Variants in DSCAM observed in about 807,000 individuals in gnomAD.
DSCAM encodes the protein cell adhesion molecule DSCAM.
Under a neutral mutation model 217.7 loss-of-function variants are expected in DSCAM, and 47 were observed. The observed-to-expected ratio is 0.22, with a 90% CI of 0.17 to 0.28. DSCAM has a LOEUF of 0.28. Ranked by LOEUF, DSCAM falls within the 10% of genes least tolerant of loss-of-function variation. The pLI is 1.00. For synonymous variants in DSCAM, 1,056 were observed against 1,015.3 expected (o/e 1.04, Z -0.76); for missense variants, 2,080 against 2,618.3 (o/e 0.79, Z 4.49).
chr21:40,441,611 A>G (rs1239689626), intron 3 of DSCAM, among the ~76,000 whole-genome samples: 1 of 152,212 alleles, frequency 6.6e-6, no homozygotes, highest in Non-Finnish European at 1.5e-5. Context: ...TGCCAAAATC[A>G]TCAATGAACT....
intron 18 of DSCAM, among the ~76,000 whole-genome samples, chr21:40,139,387 A>T (rs546449150): frequency 3.5e-4 from 53 of 152,158 alleles, no homozygotes; most frequent in African/African-American, 1.3e-3. Context: ...TCTGGAAGGC[A>T]GGACAACCTG....
rs79122732 is a variant in DSCAM, at chr21:40,817,068, T to C, written c.43+29551A>G. ...ATAATGGGTTATTCTTATTTAAAGA[T>C]ATGCAGTAAATTAGATTCTTTTTTT... On this transcript the variant is annotated intron_variant, in intron 1 of 32. Coordinates refer to ENST00000400454, the MANE Select transcript of DSCAM (RefSeq NM_001389.5). Among the ~76,000 whole-genome samples, 29 of 148,578 alleles carry C rather than the reference T, an allele frequency of 2.0e-4. No homozygotes were observed. In the East Asian group the frequency reaches 5.9e-3, roughly 30 times the overall value.
intron 3 of DSCAM, among the ~76,000 whole-genome samples, chr21:40,525,040 C>T (rs1192510706): frequency 7.9e-6 from 1 of 126,290 alleles, no homozygotes. Flanking sequence ...AATCCATTCA[C>T]AGAAGACTGT....
chr21:40,524,621 G>C (rs1401475630), intron 3 of DSCAM, among the ~76,000 whole-genome samples: 1 of 151,910 alleles, frequency 6.6e-6, no homozygotes, highest in Non-Finnish European at 1.5e-5. Context: ...TTTTTTGCTT[G>C]AGTTTTCTGG....
intron 16 of DSCAM, among the ~76,000 whole-genome samples, chr21:40,147,856 G>C (rs966033093): frequency 6.6e-6 from 1 of 151,746 alleles, no homozygotes; most frequent in African/African-American, 2.4e-5. Flanking sequence ...TAATTGTTGG[G>C]GATATTATTG....
At chr21:40,294,985 C>G (rs989594228) in intron 10 of DSCAM, among the ~76,000 whole-genome samples, 3 of 152,142 alleles carry the variant, frequency 2.0e-5, no homozygotes, top group Admixed American at 6.5e-5. Flanking sequence ...CTTTACCTTC[C>G]TTCTCAAAAG....
chr21:40,675,697 G>C (rs1418683970), intron 3 of DSCAM, among the ~76,000 whole-genome samples: 2 of 152,096 alleles, frequency 1.3e-5, no homozygotes, highest in Non-Finnish European at 2.9e-5. Context: ...CATAAAACTG[G>C]ATTTTTACAT....
At chr21:40,296,976 A>G (rs2073961996) in intron 9 of DSCAM, among the ~76,000 whole-genome samples, 1 of 152,180 alleles carries the variant, frequency 6.6e-6, no homozygotes, top group Non-Finnish European at 1.5e-5. Context: ...TAAAGTGAGA[A>G]ATAACAGGCA....
intron 3 of DSCAM, among the ~76,000 whole-genome samples, chr21:40,598,992 T>A (rs771067524): frequency 6.6e-5 from 10 of 152,218 alleles, no homozygotes; most frequent in Non-Finnish European, 1.5e-4. Context: ...TCCACTTCTG[T>A]GTCTTCTTAG....
intron 3 of DSCAM, among the ~76,000 whole-genome samples, chr21:40,372,711 T>A (rs2074910914): frequency 6.6e-6 from 1 of 152,240 alleles, no homozygotes; most frequent in Non-Finnish European, 1.5e-5. Context: ...CCCTTTGTTA[T>A]CAGTATCTTT....
chr21:40,512,097 A>G (rs1601704119), intron 3 of DSCAM, among the ~76,000 whole-genome samples: 1 of 151,914 alleles, frequency 6.6e-6, no homozygotes. Flanking sequence ...GATAGGTTAC[A>G]CTGTTTTGCA....
chr21:40,067,500 A>G (rs1325909227), intron 27 of DSCAM, among the ~76,000 whole-genome samples: 1 of 152,094 alleles, frequency 6.6e-6, no homozygotes, highest in Non-Finnish European at 1.5e-5. Flanking sequence ...CCTTTCAGTG[A>G]AACAGCACAG....
intron 4 of DSCAM, among the ~76,000 whole-genome samples, chr21:40,365,644 C>T (rs969166046): frequency 2.6e-5 from 4 of 152,260 alleles, no homozygotes; most frequent in Admixed American, 2.6e-4. Context: ...CTAGACACTA[C>T]TAACCTTTCA....
chr21:40,056,853 G>A (rs2089032751), intron 28 of DSCAM, among the ~76,000 whole-genome samples: 1 of 152,148 alleles, frequency 6.6e-6, no homozygotes, highest in Non-Finnish European at 1.5e-5. Context: ...GACCAAAATA[G>A]GAATACTCAA....
chr21:40,743,964 C>T (rs1182905166), intron 1 of DSCAM, among the ~76,000 whole-genome samples: 1 of 152,180 alleles, frequency 6.6e-6, no homozygotes, highest in Non-Finnish European at 1.5e-5. Flanking sequence ...GACAAGAATA[C>T]CACCATGAAT....
chr21:40,148,751 C>T (rs1489309701), intron 16 of DSCAM, among the ~76,000 whole-genome samples: 2 of 152,162 alleles, frequency 1.3e-5, no homozygotes, highest in Admixed American at 6.6e-5. Context: ...ATCATCACCA[C>T]CAGCTTCATC....
In DSCAM at chr21:40,716,898, G is replaced by A. The variant is rs976622426; in HGVS notation, c.44-8127C>T. Among the ~76,000 whole-genome samples the A allele has an allele frequency of 6.5e-4, 99 of 152,174 alleles. 1 individual carries two copies. The highest frequency in any genetic ancestry group is 2.2e-3 in the African/African-American group (90 of 41,428). On this transcript the variant is annotated intron_variant, in intron 1 of 32. Transcript: ENST00000400454. ...GAGGTCAATTATAATTCTATTTACC[G>A]AAGGTTGTGACAGAAACATTCACAA...
chr21:40,705,980 A>G (rs1348921053), intron 2 of DSCAM, among the ~76,000 whole-genome samples: 3 of 152,118 alleles, frequency 2.0e-5, no homozygotes, highest in Non-Finnish European at 4.4e-5. Flanking sequence ...GGAGATGGAG[A>G]CCATCCTGGC....
At chr21:40,392,834 T>C (rs2123758149) in intron 3 of DSCAM, among the ~76,000 whole-genome samples, 1 of 152,272 alleles carries the variant, frequency 6.6e-6, no homozygotes, top group South Asian at 2.1e-4. Context: ...TTTCAAAGCA[T>C]GACACAGCTT....
Sources: allele counts gnomAD v4.1 joint callset (sites outside exome capture counted in the v4.1 genomes callset), GRCh38; gene constraint gnomAD v4.1.1; transcripts MANE v1.5; gene names NCBI Gene and HGNC (gene_info 2026-07-23, HGNC 2026-07-21).